The following C8orf34 variants were observed in gnomAD, a reference collection of about 807,000 sequenced individuals.
C8orf34 encodes the protein chromosome 8 open reading frame 34.
A neutral mutation model predicts 68.3 loss-of-function variants in C8orf34; 65 were observed. The ratio of observed to expected loss-of-function variants is 0.95; its 90% CI spans 0.78 to 1.17. C8orf34 has a LOEUF of 1.17. Among genes scored for constraint, C8orf34 ranks in the 50% most tolerant of loss-of-function variants. The pLI, the probability that C8orf34 is intolerant of heterozygous loss-of-function variation, is 0.00. For synonymous variants in C8orf34, 244 were observed against 241.2 expected (o/e 1.01, Z -0.11); for missense variants, 664 against 655.4 (o/e 1.01, Z -0.14).
chr8:68,676,611 TG>T (rs1340054622), intron 8 of C8orf34, among the ~76,000 whole-genome samples: 3 of 152,214 alleles, frequency 2.0e-5, no homozygotes, highest in African/African-American at 7.2e-5. Context: ...AAAAGACATA[TG>T]TTAGGCCAAA....
chr8:68,764,012 G>C (rs1039478776), intron 10 of C8orf34, among the ~76,000 whole-genome samples: 3 of 152,142 alleles, frequency 2.0e-5, no homozygotes, highest in Non-Finnish European at 4.4e-5. Flanking sequence ...CTCTGGACCT[G>C]CATTGGCCTC....
chr8:68,765,608 T>C (rs1430774289), intron 10 of C8orf34, among the ~76,000 whole-genome samples: 1 of 152,206 alleles, frequency 6.6e-6, no homozygotes, highest in Non-Finnish European at 1.5e-5. Context: ...TCACTTCTTT[T>C]TCTTAGACGA....
chr8:68,762,545 G>A (rs1823050866), intron 10 of C8orf34, among the ~76,000 whole-genome samples: 1 of 152,126 alleles, frequency 6.6e-6, no homozygotes, highest in Admixed American at 6.5e-5. Context: ...GACTTGGCAG[G>A]AAATCTTTTT....
At chr8:68,505,203 T>G (rs771528873) in intron 5 of C8orf34, among the ~76,000 whole-genome samples, 1 of 152,210 alleles carries the variant, frequency 6.6e-6, no homozygotes, top group African/African-American at 2.4e-5. Context: ...TTGTTATGGT[T>G]TGTCTTTGAA....
chr8:68,588,415 T>A (rs1393392862), intron 7 of C8orf34, among the ~76,000 whole-genome samples: 2 of 152,172 alleles, frequency 1.3e-5, no homozygotes, highest in African/African-American at 4.8e-5. Context: ...AATATTAACA[T>A]TTTCAACACA....
intron 1 of C8orf34, among the ~76,000 whole-genome samples, chr8:68,408,248 C>A (rs577426931): frequency 7.9e-5 from 12 of 151,502 alleles, no homozygotes; most frequent in Non-Finnish European, 1.5e-4. Context: ...TCCCATCACC[C>A]CCAGATGGGA....
intron 3 of C8orf34, among the ~76,000 whole-genome samples, chr8:68,459,152 G>T (rs1235735978): frequency 2.0e-5 from 3 of 152,144 alleles, no homozygotes; most frequent in Admixed American, 6.5e-5. Flanking sequence ...TGCATTGTCT[G>T]GCTATCATTA....
At chr8:68,777,917 A>T (rs12675214) in intron 11 of C8orf34, among the ~76,000 whole-genome samples, 73,887 of 152,102 alleles carry the variant, frequency 0.49, 20,489 homozygotes, top group African/African-American at 0.76. Context: ...TTTCAGTCTG[A>T]ATTTTGCAAA....
chr8:68,513,254 TC>T (rs1312519119), intron 5 of C8orf34, among the ~76,000 whole-genome samples: 7 of 152,236 alleles, frequency 4.6e-5, no homozygotes, highest in Admixed American at 4.6e-4. Flanking sequence ...CAAGCACTTG[TC>T]TTTCTTTAGG....
intron 8 of C8orf34, among the ~76,000 whole-genome samples, chr8:68,700,616 A>G (rs1021664792): frequency 1.3e-5 from 2 of 152,142 alleles, no homozygotes; most frequent in Non-Finnish European, 2.9e-5. Context: ...TGTTGTGGAC[A>G]GTATCAGACC....
chr8:68,474,446 T>A (rs1375666342), intron 4 of C8orf34, among the ~76,000 whole-genome samples: 1 of 152,180 alleles, frequency 6.6e-6, no homozygotes, highest in Non-Finnish European at 1.5e-5. Context: ...CCTATCAATA[T>A]CTTCTAGTTC....
chr8:68,644,640 G>A (rs1819111382), intron 8 of C8orf34, among the ~76,000 whole-genome samples: 1 of 152,192 alleles, frequency 6.6e-6, no homozygotes, highest in African/African-American at 2.4e-5. Context: ...AGGTGAAAGA[G>A]GCTGGCCAGG....
At chr8:68,645,568 C>CGTT (rs989343414) in intron 8 of C8orf34, among the ~76,000 whole-genome samples, 8 of 152,096 alleles carry the variant, frequency 5.3e-5, no homozygotes, top group Middle Eastern at 3.4e-3. Context: ...GTTTGTTTCT[C>CGTT]GTTGTTGTTG....
At chr8:68,509,244 A>G (rs2129633183) in intron 5 of C8orf34, among the ~76,000 whole-genome samples, 1 of 152,314 alleles carries the variant, frequency 6.6e-6, no homozygotes, top group South Asian at 2.1e-4. Context: ...GGCCATTGTC[A>G]AAGGCTCTGG....
intron 10 of C8orf34, among the ~76,000 whole-genome samples, chr8:68,744,442 T>C (rs1276905569): frequency 0.013 from 1,929 of 151,688 alleles, 34 homozygotes; most frequent in African/African-American, 0.045. Flanking sequence ...CTCTGAGCTA[T>C]GGGAGGACAT....
At chr8:68,562,458 A>C (rs1816461750) in intron 7 of C8orf34, among the ~76,000 whole-genome samples, 1 of 152,212 alleles carries the variant, frequency 6.6e-6, no homozygotes, top group Non-Finnish European at 1.5e-5. Flanking sequence ...TACAGCTGGC[A>C]TTGTGTTAGA....
chr8:68,816,924 G>A (rs1824837868), intron 13 of C8orf34, among the ~76,000 whole-genome samples: 1 of 152,156 alleles, frequency 6.6e-6, no homozygotes, highest in African/African-American at 2.4e-5. Context: ...TATGAAGGAT[G>A]AGATATATAT....
intron 3 of C8orf34, chr8:68,447,951 G>T (rs1229079983): frequency 6.6e-6 from 1 of 152,142 alleles, no homozygotes; most frequent in East Asian, 1.9e-4. Flanking sequence ...CCAGCACAGT[G>T]CCTGTTTCAA....
intron 7 of C8orf34, among the ~76,000 whole-genome samples, chr8:68,633,379 A>G (rs1314636521): frequency 3.3e-5 from 5 of 152,190 alleles, no homozygotes; most frequent in Admixed American, 2.0e-4. Flanking sequence ...TAAGAGTTAA[A>G]ACATTTATTT....
Sources: gnomAD v4.1 joint callset for allele counts (sites outside exome capture counted in the v4.1 genomes callset) on GRCh38, gnomAD v4.1.1 for gene constraint, MANE v1.5 for transcripts, NCBI Gene and HGNC (gene_info 2026-07-23, HGNC 2026-07-21) for gene names.